The following PDGFC variants were observed in gnomAD, a reference collection of about 807,000 sequenced individuals.
PDGFC encodes the protein platelet-derived growth factor C.
A neutral mutation model predicts 35.5 loss-of-function variants in PDGFC; 12 were observed. That is an observed-to-expected ratio of 0.34 (90% CI 0.22 to 0.55). PDGFC has a LOEUF of 0.55. PDGFC is among the 20% of genes least tolerant of loss of function. The probability of loss-of-function intolerance (pLI) is 0.91; values close to 1 mark genes in which losing one functional copy is unlikely to be tolerated. For missense variants in PDGFC, 322 were observed against 412.4 expected (o/e 0.78, Z 1.90); for synonymous variants, 159 against 148.8 (o/e 1.07, Z -0.50).
chr4:156,941,279 T>C (rs1490686962), intron 1 of PDGFC, among the ~76,000 whole-genome samples: 1 of 152,148 alleles, frequency 6.6e-6, no homozygotes, highest in Non-Finnish European at 1.5e-5. Context: ...TTAAAAGTAA[T>C]GCTATTTAAC....
At position 156,782,861 on chromosome 4, in the gene PDGFC, A is replaced by G. The variant is rs145492606; in HGVS notation, c.496-9968T>C. 6.6e-5 allele frequency among the ~76,000 whole-genome samples: 10 copies of G among 152,300 alleles called. No individual in the cohort carries two copies. The East Asian group carries it at 1.9e-3, about 29-fold the overall frequency. The stretch of plus-strand genomic sequence containing the variant: ...AAAGTTAAATCATTCAGTAGACTAT[A>G]TTATACTCCTGTCACGTGCTCACAA... On this transcript the variant is annotated intron_variant, in intron 3 of 5. Transcript: ENST00000502773.
chr4:156,945,348 TATATATATATATA>T, intron 1 of PDGFC, among the ~76,000 whole-genome samples: 1 of 18,774 alleles, frequency 5.3e-5, no homozygotes, highest in Non-Finnish European at 8.9e-5. Flanking sequence ...CATACATATA[TATATATATATATA>T]TATATATATA....
chr4:156,861,094 C>A (rs1449461576), intron 1 of PDGFC, among the ~76,000 whole-genome samples: 1 of 152,038 alleles, frequency 6.6e-6, no homozygotes, highest in African/African-American at 2.4e-5. Context: ...AAAACTATCT[C>A]TAACATGTCA....
Position 156,955,468 on chromosome 4 carries a change from T to C in PDGFC, c.118+15318A>G, listed in dbSNP as rs144968929. 4.4e-3 allele frequency among the ~76,000 whole-genome samples: 665 copies of C among 152,190 alleles called. 6 individuals are homozygous for C. Among genetic ancestry groups the C allele is most frequent in the African/African-American group, 0.015 (641 of 41,560 alleles). ...GGATTGTGGTAATCCTTTTGCAATG[T>C]ATACATATATCAAAACATTCCATTT... On this transcript the variant is annotated intron_variant, in intron 1 of 5. Transcript: ENST00000502773.
At chr4:156,783,590 A>G (rs995492467) in intron 3 of PDGFC, among the ~76,000 whole-genome samples, 1 of 152,124 alleles carries the variant, frequency 6.6e-6, no homozygotes. Context: ...CTCTCTCTAT[A>G]TATACACGAC....
chr4:156,960,055 T>C (rs568321624), intron 1 of PDGFC, among the ~76,000 whole-genome samples: 1 of 151,918 alleles, frequency 6.6e-6, no homozygotes, highest in East Asian at 1.9e-4. Context: ...AAAACACAGA[T>C]TAAAAACCAC....
At chr4:156,817,224 A>G (rs1212019272) in intron 2 of PDGFC, among the ~76,000 whole-genome samples, 1 of 152,182 alleles carries the variant, frequency 6.6e-6, no homozygotes, top group African/African-American at 2.4e-5. Flanking sequence ...AATCAAAACA[A>G]AATATCAGGT....
chr4:156,891,205 G>C (rs1311350252), intron 1 of PDGFC, among the ~76,000 whole-genome samples: 1 of 136,414 alleles, frequency 7.3e-6, no homozygotes, highest in African/African-American at 2.7e-5. Context: ...GCGTGAACCC[G>C]GGAGGCGGAG....
chr4:156,784,636 T>C (rs1217639190), intron 3 of PDGFC, among the ~76,000 whole-genome samples: 3 of 152,090 alleles, frequency 2.0e-5, no homozygotes, highest in Non-Finnish European at 2.9e-5. Flanking sequence ...AAAAGCTTAA[T>C]ATAATAAGTA....
At chr4:156,918,865 A>AT (rs1324168126) in intron 1 of PDGFC, among the ~76,000 whole-genome samples, 1 of 152,194 alleles carries the variant, frequency 6.6e-6, no homozygotes, top group Non-Finnish European at 1.5e-5. Flanking sequence ...CAAAAATGGT[A>AT]TCACCCAATT....
chr4:156,778,914 T>C (rs1730899522), intron 3 of PDGFC, among the ~76,000 whole-genome samples: 1 of 152,128 alleles, frequency 6.6e-6, no homozygotes, highest in African/African-American at 2.4e-5. Flanking sequence ...TAACAAAAGG[T>C]TAGGAATGCA....
At chr4:156,939,606 C>G (rs939332613) in intron 1 of PDGFC, among the ~76,000 whole-genome samples, 1 of 152,012 alleles carries the variant, frequency 6.6e-6, no homozygotes, top group African/African-American at 2.4e-5. Context: ...AATATATGCA[C>G]AAAATGTTTT....
intron 1 of PDGFC, among the ~76,000 whole-genome samples, chr4:156,911,881 T>A (rs1372780418): frequency 6.6e-6 from 1 of 152,134 alleles, no homozygotes; most frequent in Non-Finnish European, 1.5e-5. Context: ...TGTGGAGACA[T>A]GTTTATGATT....
intron 1 of PDGFC, among the ~76,000 whole-genome samples, chr4:156,939,012 G>A (rs1731746334): frequency 6.6e-6 from 1 of 151,922 alleles, no homozygotes; most frequent in East Asian, 1.9e-4. Context: ...GTCAAAACCA[G>A]TACAGAATAC....
chr4:156,903,104 A>AGAGAGTGTGTGTGT (rs368483475), intron 1 of PDGFC, among the ~76,000 whole-genome samples: 4 of 130,678 alleles, frequency 3.1e-5, no homozygotes, highest in African/African-American at 1.1e-4. Flanking sequence ...AGAGAGAGAG[A>AGAGAGTGTGTGTGT]GTGTGTGTGT....
intron 1 of PDGFC, among the ~76,000 whole-genome samples, chr4:156,920,835 C>A (rs769049932): frequency 2.0e-5 from 3 of 152,114 alleles, no homozygotes; most frequent in Non-Finnish European, 4.4e-5. Context: ...GTAGATGGTT[C>A]TTTTGTTTGG....
intron 1 of PDGFC, among the ~76,000 whole-genome samples, chr4:156,867,143 TTAAA>T (rs1729864581): frequency 6.6e-6 from 1 of 152,360 alleles, no homozygotes; most frequent in East Asian, 1.9e-4. Flanking sequence ...AAATCAGTAA[TTAAA>T]TATGTTAGCA....
intron 2 of PDGFC, chr4:156,841,914 T>C (rs1451086026): frequency 6.6e-6 from 1 of 152,210 alleles, no homozygotes; most frequent in Non-Finnish European, 1.5e-5. Context: ...TGAATCCCTA[T>C]ATGTTTCAAT....
chr4:156,955,314 T>C (rs747818389), intron 1 of PDGFC, among the ~76,000 whole-genome samples: 3 of 151,942 alleles, frequency 2.0e-5, no homozygotes, highest in Non-Finnish European at 4.4e-5. Context: ...TTTACAATCA[T>C]CCTGAAGTAC....
Sources: gnomAD v4.1 joint callset for allele counts (sites outside exome capture counted in the v4.1 genomes callset) on GRCh38, gnomAD v4.1.1 for gene constraint, MANE v1.5 for transcripts, NCBI Gene and HGNC (gene_info 2026-07-23, HGNC 2026-07-21) for gene names.